The following WIPI1 variants were observed in gnomAD, a reference collection of about 807,000 sequenced individuals.
WIPI1 encodes WD repeat domain, phosphoinositide interacting 1.
In WIPI1, 45 loss-of-function variants were observed where a neutral mutation model predicts 55.3. The observed-to-expected ratio is 0.81, with a 90% CI of 0.64 to 1.04. The LOEUF is 1.04. WIPI1 is among the 50% of genes least tolerant of loss of function. WIPI1 has a pLI of 0.00. For synonymous variants in WIPI1, 195 were observed against 217.6 expected (o/e 0.90, Z 0.92); for missense variants, 445 against 559.0 (o/e 0.80, Z 2.06).
chr17:68,442,498 T>C (rs1277186737), intron 4 of WIPI1, among the ~76,000 whole-genome samples: 3 of 151,182 alleles, frequency 2.0e-5, no homozygotes, highest in Non-Finnish European at 4.4e-5. Flanking sequence ...AAACATCTGT[T>C]TGCAAGGGAG....
intron 3 of WIPI1, among the ~76,000 whole-genome samples, chr17:68,450,462 A>G (rs2084455515): frequency 6.6e-6 from 1 of 152,202 alleles, no homozygotes; most frequent in South Asian, 2.1e-4. Flanking sequence ...GCGGTGCCCA[A>G]TCTGTACCCT....
At chr17:68,446,138 T>C (rs138916807) in intron 3 of WIPI1, among the ~76,000 whole-genome samples, 54 of 152,144 alleles carry the variant, frequency 3.5e-4, no homozygotes, top group African/African-American at 1.3e-3. Context: ...ATGATGAAGG[T>C]CATCAGTGTT....
intron 4 of WIPI1, among the ~76,000 whole-genome samples, chr17:68,443,988 G>T (rs1164415220): frequency 6.6e-6 from 1 of 152,144 alleles, no homozygotes; most frequent in Non-Finnish European, 1.5e-5. Context: ...TAAATCCCGA[G>T]AATTCAGTAA....
Position 68,428,903 on chromosome 17 carries a change from T to G in WIPI1, c.999A>C (p.Ser333=). 1.2e-6 allele frequency: 2 copies of G among 1,614,160 alleles called. No individual in the cohort carries two copies. Among genetic ancestry groups the G allele is most frequent in the Non-Finnish European group, 1.7e-6 (2 of 1,180,016 alleles). The change falls in exon 10 of 13, where the codon TCA becomes TCC. Residue 333 remains serine, a synonymous_variant. Transcript: ENST00000262139. ...IQKLPRLLVA[S]SSGHLYMYNL... is the part of the protein sequence containing the mutation. ...TGTACATATAAAGGTGTCCACTGGA[T>G]GACGCAACTAGCAGCCGTGGCAACT...
chr17:68,452,505 C>T (rs1455581012), intron 2 of WIPI1, among the ~76,000 whole-genome samples: 1 of 152,114 alleles, frequency 6.6e-6, no homozygotes, highest in Non-Finnish European at 1.5e-5. Context: ...GTGGAGGTTG[C>T]AGTGAGCCAA....
At chr17:68,432,426 A>G (rs1218329424) in intron 8 of WIPI1, among the ~76,000 whole-genome samples, 1 of 152,186 alleles carries the variant, frequency 6.6e-6, no homozygotes, top group Non-Finnish European at 1.5e-5. Context: ...TCATGCTGAG[A>G]AGAAGACCCA....
intron 12 of WIPI1, among the ~76,000 whole-genome samples, chr17:68,425,736 A>G (rs534476251): frequency 1.8e-4 from 28 of 152,216 alleles, no homozygotes; most frequent in African/African-American, 6.7e-4. Context: ...TAAGTTTTAG[A>G]CAAGTCACGT....
intron 3 of WIPI1, among the ~76,000 whole-genome samples, chr17:68,448,116 AGT>A (rs1317568838): frequency 1.3e-5 from 2 of 152,138 alleles, no homozygotes; most frequent in Non-Finnish European, 2.9e-5. Context: ...TAGCAGACTG[AGT>A]GCTACAGAAT....
chr17:68,437,966 A>AAAAAAAAAAAAC (rs2083898810), intron 4 of WIPI1, among the ~76,000 whole-genome samples: 1 of 150,888 alleles, frequency 6.6e-6, no homozygotes, highest in Non-Finnish European at 1.5e-5. Flanking sequence ...AAAAAAAAAA[A>AAAAAAAAAAAAC]AAAAAAAGTG....
chr17:68,426,609 T>C (rs1402989458), intron 11 of WIPI1, among the ~76,000 whole-genome samples: 1 of 152,214 alleles, frequency 6.6e-6, no homozygotes, highest in Non-Finnish European at 1.5e-5. Flanking sequence ...CTCAGCTCAC[T>C]GCAATCTCCG....
intron 1 of WIPI1, 133 bp downstream of exon 1, chr17:68,457,209 C>G: frequency 9.5e-7 from 1 of 1,050,152 alleles, no homozygotes. Context: ...GATCCCAATG[C>G]GTCCGAAGCA....
At chr17:68,457,144 G>C (rs973721846) in intron 1 of WIPI1, among the ~76,000 whole-genome samples, 198 bp downstream of exon 1, 1 of 152,092 alleles carries the variant, frequency 6.6e-6, no homozygotes, top group Non-Finnish European at 1.5e-5. Context: ...GACACTGGGA[G>C]TGGGGTGGGG....
intron 9 of WIPI1, 46 bp downstream of exon 9, chr17:68,429,950 T>C (rs369059780): frequency 2.5e-5 from 41 of 1,609,264 alleles, no homozygotes; most frequent in Middle Eastern, 1.6e-4. Flanking sequence ...GAAAAATACA[T>C]TGACGAAAGT....
At chr17:68,435,776 C>T (rs978513198) in intron 5 of WIPI1, 64 bp from the exon 6 acceptor site, 31 of 1,433,812 alleles carry the variant, frequency 2.2e-5, no homozygotes, top group Middle Eastern at 3.5e-4. Context: ...TTTCACCTCC[C>T]TCCCCTTCCT....
chr17:68,432,340 T>G (rs1359122719), intron 8 of WIPI1, among the ~76,000 whole-genome samples: 1 of 152,160 alleles, frequency 6.6e-6, no homozygotes, highest in Admixed American at 6.5e-5. Flanking sequence ...AAAAATAGCT[T>G]TCTCCAACTG....
Position 68,430,163 on chromosome 17 carries a change from A to G in WIPI1, c.801-3T>C. On this transcript the variant is annotated splice_region_variant and splice_polypyrimidine_tract_variant and intron_variant, in intron 8 of 12. Transcript: ENST00000262139. Reference sequence around the variant, plus strand: ...AGGTCGAAGGCTCTTCTGGTCGACTAGGGAGTAATGCACAGGCAACGATGG... The same window carrying G: ...AGGTCGAAGGCTCTTCTGGTCGACTGGGGAGTAATGCACAGGCAACGATGG... 6.2e-7 allele frequency: 1 copy of G among 1,611,604 alleles called. No homozygotes were observed. Among genetic ancestry groups the G allele is most frequent in the South Asian group, 1.1e-5 (1 of 90,926 alleles).
intron 10 of WIPI1, chr17:68,428,151 G>C (rs1307862824): frequency 6.6e-6 from 1 of 152,064 alleles, no homozygotes; most frequent in Non-Finnish European, 1.5e-5. Context: ...GCCCTCCTTG[G>C]CCTCCCAAAG....
In WIPI1 at chr17:68,436,394, A is replaced by G. The variant is rs558586298; in HGVS notation, c.516T>C (p.Asp172=). The change falls in exon 5 of 13, where the codon GAT becomes GAC. Residue 172 remains aspartate (D), a synonymous_variant. Transcript: ENST00000262139. The stretch of plus-strand genomic sequence containing the variant: ...ACCGTCAACTTACCAGGGAGTTTCC[A>G]TCATAAAGCACAATCTCCCCTGAAG... ...SLTSGEIVLY[D]GNSLKTVCTI... 13 of 1,613,908 alleles carry G rather than the reference A, an allele frequency of 8.1e-6. No individual in the cohort carries two copies. The African/African-American group carries it at 1.3e-4, about 17-fold the overall frequency.
chr17:68,438,215 A>G (rs994191006), intron 4 of WIPI1, among the ~76,000 whole-genome samples: 1 of 151,454 alleles, frequency 6.6e-6, no homozygotes, highest in Non-Finnish European at 1.5e-5. Context: ...GAAGTGGCTG[A>G]GCCCCGGAAC....
Sources: gnomAD v4.1 joint callset for allele counts (sites outside exome capture counted in the v4.1 genomes callset) on GRCh38, gnomAD v4.1.1 for gene constraint, MANE v1.5 for transcripts, NCBI Gene and HGNC (gene_info 2026-07-23, HGNC 2026-07-21) for gene names.